The following RAPGEF4 variants were observed in gnomAD, a reference collection of about 807,000 sequenced individuals.
RAPGEF4 encodes RAP guanine-nucleotide-exchange factor (GEF) 4.
In RAPGEF4, 66 loss-of-function variants were observed where a neutral mutation model predicts 147.9. That is an observed-to-expected ratio of 0.45 (90% CI 0.37 to 0.55). The LOEUF is 0.55. Ranked by LOEUF, RAPGEF4 falls within the 20% of genes least tolerant of loss-of-function variation. RAPGEF4 has a pLI of 0.00. For synonymous variants in RAPGEF4, 419 were observed against 442.7 expected (o/e 0.95, Z 0.67); for missense variants, 1,071 against 1,257.3 (o/e 0.85, Z 2.24).
chr2:172,926,817 G>A (rs982815497), intron 6 of RAPGEF4, among the ~76,000 whole-genome samples: 10 of 152,144 alleles, frequency 6.6e-5, no homozygotes, highest in Non-Finnish European at 8.8e-5. Flanking sequence ...TGATCTGCCC[G>A]ACTCAGCCTC....
intron 4 of RAPGEF4, among the ~76,000 whole-genome samples, chr2:172,880,407 T>G (rs1027724571): frequency 6.6e-6 from 1 of 152,242 alleles, no homozygotes; most frequent in Non-Finnish European, 1.5e-5. Flanking sequence ...TGTTTACATG[T>G]CAGTCTTCTT....
chr2:172,801,366 A>G (rs928571216), intron 3 of RAPGEF4, among the ~76,000 whole-genome samples: 1 of 152,202 alleles, frequency 6.6e-6, no homozygotes, highest in Non-Finnish European at 1.5e-5. Context: ...GTTTCTTGCC[A>G]GCCTGCTCCT....
At chr2:172,962,927 T>G (rs781479378) in intron 8 of RAPGEF4, among the ~76,000 whole-genome samples, 3 of 152,190 alleles carry the variant, frequency 2.0e-5, no homozygotes, top group African/African-American at 4.8e-5. Context: ...AAGAACTATC[T>G]GAGACTGGGT....
intron 3 of RAPGEF4, among the ~76,000 whole-genome samples, chr2:172,813,802 A>G (rs932009877): frequency 1.3e-5 from 2 of 152,228 alleles, no homozygotes; most frequent in African/African-American, 4.8e-5. Flanking sequence ...TCCTCAAAGT[A>G]GAAACAACCC....
chr2:172,736,783 G>A (rs924687685), intron 1 of RAPGEF4, among the ~76,000 whole-genome samples: 1 of 152,244 alleles, frequency 6.6e-6, no homozygotes, highest in Non-Finnish European at 1.5e-5. Flanking sequence ...CAGATTGCAG[G>A]TTTAAACGTT....
At chr2:172,989,637 T>C (rs1248984667) in intron 14 of RAPGEF4, among the ~76,000 whole-genome samples, 1 of 152,176 alleles carries the variant, frequency 6.6e-6, no homozygotes, top group African/African-American at 2.4e-5. Flanking sequence ...GCTTGAGGCC[T>C]GATCATGGAC....
chr2:172,792,910 A>G (rs1454009668), intron 1 of RAPGEF4, among the ~76,000 whole-genome samples: 1 of 152,206 alleles, frequency 6.6e-6, no homozygotes, highest in Non-Finnish European at 1.5e-5. Flanking sequence ...TGTAAAACAC[A>G]TGCCTCCTGT....
intron 11 of RAPGEF4, 73 bp from the exon 12 acceptor site, chr2:172,985,360 A>T: frequency 6.2e-7 from 1 of 1,605,556 alleles, no homozygotes; most frequent in Non-Finnish European, 8.5e-7. Flanking sequence ...TTGTGCCCCC[A>T]GAAAGAGTAC....
chr2:172,768,813 G>A (rs183359290), intron 1 of RAPGEF4, among the ~76,000 whole-genome samples: 11 of 152,342 alleles, frequency 7.2e-5, no homozygotes, highest in South Asian at 4.1e-4. Context: ...GCATATTGTT[G>A]TGACAAATTC....
chr2:172,903,005 G>A (rs181698161), intron 4 of RAPGEF4, among the ~76,000 whole-genome samples: 1 of 152,254 alleles, frequency 6.6e-6, no homozygotes, highest in East Asian at 1.9e-4. Flanking sequence ...CATAATGGAG[G>A]GGAATGAAGA....
At chr2:172,963,898 A>G (rs1385958360) in intron 8 of RAPGEF4, among the ~76,000 whole-genome samples, 1 of 152,206 alleles carries the variant, frequency 6.6e-6, no homozygotes, top group Non-Finnish European at 1.5e-5. Context: ...CATTAATGGA[A>G]AGGATACCTG....
chr2:172,872,620 C>T (rs981376780), intron 4 of RAPGEF4, among the ~76,000 whole-genome samples: 3 of 151,990 alleles, frequency 2.0e-5, no homozygotes, highest in East Asian at 3.9e-4. Flanking sequence ...TGAGTTCTCA[C>T]GAGATCTGAT....
intron 1 of RAPGEF4, among the ~76,000 whole-genome samples, chr2:172,784,324 T>C (rs1252189847): frequency 1.3e-5 from 2 of 152,108 alleles, no homozygotes; most frequent in African/African-American, 2.4e-5. Flanking sequence ...CGAGACCATC[T>C]TGGCTAACAC....
intron 4 of RAPGEF4, among the ~76,000 whole-genome samples, chr2:172,903,074 A>G (rs1699239071): frequency 6.6e-6 from 1 of 152,168 alleles, no homozygotes; most frequent in Admixed American, 6.5e-5. Context: ...AAGGAATTGA[A>G]GTACAAAGTC....
intron 6 of RAPGEF4, among the ~76,000 whole-genome samples, chr2:172,951,205 G>C (rs569516792): frequency 1.2e-3 from 181 of 152,286 alleles, no homozygotes; most frequent in African/African-American, 4.3e-3. Context: ...CTACTCAATT[G>C]CAACTCATTG....
At chr2:172,774,224 TTTC>T (rs1683932479) in intron 1 of RAPGEF4, among the ~76,000 whole-genome samples, 1 of 152,242 alleles carries the variant, frequency 6.6e-6, no homozygotes, top group South Asian at 2.1e-4. Context: ...CTTTTGCCCC[TTTC>T]TTCTTCAGTT....
At chr2:172,783,912 T>A (rs1440509615) in intron 1 of RAPGEF4, among the ~76,000 whole-genome samples, 1 of 152,074 alleles carries the variant, frequency 6.6e-6, no homozygotes, top group African/African-American at 2.4e-5. Flanking sequence ...CAAACAATGT[T>A]GGTGCTGTAG....
chr2:172,821,824 T>C (rs1413301135), intron 4 of RAPGEF4: 2 of 1,400,486 alleles, frequency 1.4e-6, no homozygotes, highest in East Asian at 2.7e-5. Context: ...AGCACCAGTT[T>C]CCTTTCTGTG....
chr2:172,839,416 A>G (rs1482192872), intron 4 of RAPGEF4, among the ~76,000 whole-genome samples: 1 of 152,120 alleles, frequency 6.6e-6, no homozygotes, highest in Non-Finnish European at 1.5e-5. Flanking sequence ...TGGATTATTC[A>G]TGCCTTCCCT....
Sources: gnomAD v4.1 joint callset for allele counts (sites outside exome capture counted in the v4.1 genomes callset) on GRCh38, gnomAD v4.1.1 for gene constraint, MANE v1.5 for transcripts, NCBI Gene and HGNC (gene_info 2026-07-23, HGNC 2026-07-21) for gene names.